Variants in PTPRD observed in about 807,000 individuals in gnomAD.
PTPRD encodes receptor-type tyrosine-protein phosphatase delta.
Under a neutral mutation model 214.5 loss-of-function variants are expected in PTPRD, and 34 were observed. The ratio of observed to expected loss-of-function variants is 0.16; its 90% CI spans 0.12 to 0.21. The LOEUF (loss-of-function observed/expected upper bound fraction) is 0.21. PTPRD is among the 10% of genes least tolerant of loss of function. The pLI is 1.00. For synonymous variants in PTPRD, 1,128 were observed against 845.7 expected, an observed-to-expected ratio of 1.33 and a Z score of -5.79; for missense variants, 2,545 against 2,398.7, an observed-to-expected ratio of 1.06 and a Z score of -1.27.
At chr9:10,434,891 G>A (rs1196693900) in intron 2 of PTPRD, among the ~76,000 whole-genome samples, 1 of 151,762 alleles carries the variant, frequency 6.6e-6, no homozygotes. Context: ...GCTGCCCTTT[G>A]CACTTCTTTA....
chr9:10,050,430 C>T (rs917892940), intron 3 of PTPRD, among the ~76,000 whole-genome samples: 7 of 150,598 alleles, frequency 4.6e-5, no homozygotes, highest in East Asian at 2.0e-4. Flanking sequence ...CGTGGTGGCG[C>T]GCGTCTGTAG....
At chr9:10,347,924 G>C (rs942138553) in intron 2 of PTPRD, among the ~76,000 whole-genome samples, 1 of 152,036 alleles carries the variant, frequency 6.6e-6, no homozygotes, top group African/African-American at 2.4e-5. Context: ...CCAGCGTGGT[G>C]CATGTGCCTG....
rs1567064549 is a variant in PTPRD, at chr9:8,929,885, G to GTATATATA, written c.-104+88811_-104+88812insTATATATA. ...TATATACATGTGTGTGTATATATGT[G>GTATATATA]TGTGTATATATATGTGTATATATAT... On this transcript the variant is annotated intron_variant, in intron 11 of 45. Transcript: ENST00000381196. 2.1e-4 allele frequency among the ~76,000 whole-genome samples: 12 copies of GTATATATA among 57,338 alleles called. 1 individual carries two copies. Among genetic ancestry groups the GTATATATA allele is most frequent in the East Asian group, 1.5e-3 (4 of 2,704 alleles). 37.6% of individuals were successfully genotyped at this position (57,338 alleles called of 152,430 possible).
At chr9:9,931,190 T>C (rs1006167971) in intron 5 of PTPRD, among the ~76,000 whole-genome samples, 2 of 151,806 alleles carry the variant, frequency 1.3e-5, no homozygotes, top group East Asian at 3.9e-4. Context: ...AAGTTAAAAA[T>C]AAAAAAAAGA....
At chr9:9,656,098 A>C (rs1386958335) in intron 7 of PTPRD, among the ~76,000 whole-genome samples, 1 of 152,232 alleles carries the variant, frequency 6.6e-6, no homozygotes, top group Admixed American at 6.5e-5. Flanking sequence ...TCCCATGGGG[A>C]AAATCCAAAA....
intron 35 of PTPRD, among the ~76,000 whole-genome samples, chr9:8,430,199 G>A (rs2132111473): frequency 6.6e-6 from 1 of 152,236 alleles, no homozygotes; most frequent in African/African-American, 2.4e-5. Flanking sequence ...TTGGGAACTA[G>A]TTTTACATTT....
At chr9:10,298,215 C>T (rs2095745290) in intron 3 of PTPRD, among the ~76,000 whole-genome samples, 1 of 151,922 alleles carries the variant, frequency 6.6e-6, no homozygotes, top group Admixed American at 6.6e-5. Context: ...AGGTTTTTAC[C>T]CTGGCAGGGA....
intron 5 of PTPRD, chr9:9,803,921 G>C (rs796720274): frequency 6.6e-6 from 1 of 151,954 alleles, no homozygotes; most frequent in Non-Finnish European, 1.5e-5. Context: ...TTTGTTTAGT[G>C]TTTCACTATC....
chr9:10,460,177 A>T (rs771567003), intron 2 of PTPRD, among the ~76,000 whole-genome samples: 1 of 152,066 alleles, frequency 6.6e-6, no homozygotes, highest in Non-Finnish European at 1.5e-5. Context: ...TCAACCAAGG[A>T]GGTGAAAGAC....
intron 3 of PTPRD, among the ~76,000 whole-genome samples, chr9:10,187,845 T>C (rs1593526441): frequency 6.6e-6 from 1 of 152,218 alleles, no homozygotes; most frequent in Admixed American, 6.5e-5. Flanking sequence ...AACCTAGCTC[T>C]CCTATTCATA....
chr9:9,928,789 A>ACAG (rs1408596519), intron 5 of PTPRD, among the ~76,000 whole-genome samples: 2 of 93,334 alleles, frequency 2.1e-5, no homozygotes, highest in African/African-American at 1.7e-4. Context: ...CACACACACA[A>ACAG]TTTGCATTTT....
intron 3 of PTPRD, among the ~76,000 whole-genome samples, chr9:10,125,258 C>T (rs2098806958): frequency 6.6e-6 from 1 of 151,928 alleles, no homozygotes; most frequent in Admixed American, 6.6e-5. Context: ...GCTGTTTTCT[C>T]TATCCACATT....
At chr9:8,732,995 G>C (rs2098676472) in intron 12 of PTPRD, among the ~76,000 whole-genome samples, 1 of 152,196 alleles carries the variant, frequency 6.6e-6, no homozygotes, top group Non-Finnish European at 1.5e-5. Flanking sequence ...ACACATGTCA[G>C]GGAGTACAAG....
chr9:8,398,289 C>T (rs1488248525), intron 36 of PTPRD, among the ~76,000 whole-genome samples: 1 of 152,018 alleles, frequency 6.6e-6, no homozygotes, highest in African/African-American at 2.4e-5. Flanking sequence ...TTAATAATCC[C>T]ATTATACAGA....
At chr9:8,918,616 A>T (rs529054738) in intron 11 of PTPRD, among the ~76,000 whole-genome samples, 1 of 152,192 alleles carries the variant, frequency 6.6e-6, no homozygotes, top group Admixed American at 6.5e-5. Flanking sequence ...GATTACTTGT[A>T]GCCTATGTTA....
chr9:8,968,375 T>C (rs1477861402), intron 11 of PTPRD, among the ~76,000 whole-genome samples: 1 of 151,920 alleles, frequency 6.6e-6, no homozygotes, highest in Non-Finnish European at 1.5e-5. Context: ...CCACCAACAG[T>C]GTAAAAGTGT....
chr9:9,008,205 T>TTTTATTTATTTATTTA (rs71317392), intron 11 of PTPRD, among the ~76,000 whole-genome samples: 17,057 of 120,920 alleles, frequency 0.14, 1,591 homozygotes, highest in East Asian at 0.17. Flanking sequence ...CTCCCCTTCA[T>TTTTATTTATTTATTTA]TTTATTTATT....
At chr9:9,075,881 G>C (rs372160650) in intron 10 of PTPRD, among the ~76,000 whole-genome samples, 1 of 152,144 alleles carries the variant, frequency 6.6e-6, no homozygotes, top group East Asian at 1.9e-4. Flanking sequence ...ACGTGTGCAT[G>C]TGTCTTTATA....
intron 3 of PTPRD, among the ~76,000 whole-genome samples, chr9:10,103,980 C>T (rs1379513347): frequency 1.3e-5 from 2 of 151,576 alleles, no homozygotes; most frequent in African/African-American, 4.8e-5. Context: ...AAAATCATTC[C>T]ACCTTAGAAA....
Sources: gnomAD v4.1 joint callset for allele counts (sites outside exome capture counted in the v4.1 genomes callset) on GRCh38, gnomAD v4.1.1 for gene constraint, MANE v1.5 for transcripts, NCBI Gene and HGNC (gene_info 2026-07-23, HGNC 2026-07-21) for gene names.